The following TECTA variants were observed in gnomAD, a reference collection of about 807,000 sequenced individuals.
TECTA encodes the protein tectorin alpha.
TECTA carries 128 observed loss-of-function variants against 216.8 expected under a neutral mutation model. That is an observed-to-expected ratio of 0.59 (90% CI 0.51 to 0.68). The LOEUF is 0.68. Among genes scored for constraint, TECTA ranks in the 30% least tolerant of loss-of-function variants. The probability of loss-of-function intolerance (pLI) is 0.00; values close to 1 mark genes in which losing one functional copy is unlikely to be tolerated. For missense variants in TECTA, 2,551 were observed against 2,786.2 expected (o/e 0.92, Z 1.90); for synonymous variants, 1,089 against 1,117.1 (o/e 0.97, Z 0.50).
At chr11:121,133,443 G>A (rs1164308938) in intron 10 of TECTA, among the ~76,000 whole-genome samples, 1 of 152,092 alleles carries the variant, frequency 6.6e-6, no homozygotes, top group African/African-American at 2.4e-5. Flanking sequence ...TGTTCTTTAC[G>A]GTTCTTTTGG....
intron 10 of TECTA, among the ~76,000 whole-genome samples, chr11:121,133,528 T>C (rs1033322495): frequency 2.0e-5 from 3 of 152,210 alleles, no homozygotes; most frequent in Non-Finnish European, 4.4e-5. Context: ...GTCTCTTTAG[T>C]CTCCTTTAAT....
intron 20 of TECTA, among the ~76,000 whole-genome samples, chr11:121,174,780 T>A (rs1947148262): frequency 6.6e-6 from 1 of 152,182 alleles, no homozygotes; most frequent in Non-Finnish European, 1.5e-5. Context: ...CAGTTCCTCC[T>A]TGTACCTCTG....
At chr11:121,181,395 A>G (rs750192526) in intron 20 of TECTA, among the ~76,000 whole-genome samples, 4 of 151,614 alleles carry the variant, frequency 2.6e-5, no homozygotes, top group Non-Finnish European at 5.9e-5. Context: ...ATTATATTGA[A>G]TTCTTTCTCA....
chr11:121,177,558 G>T (rs1420542791), intron 20 of TECTA, among the ~76,000 whole-genome samples: 2 of 152,150 alleles, frequency 1.3e-5, no homozygotes, highest in Admixed American at 6.5e-5. Context: ...AGGAGTACCC[G>T]GCCGTGTGAG....
intron 4 of TECTA, 50 bp downstream of exon 4, chr11:121,109,548 C>G: frequency 6.2e-7 from 1 of 1,605,318 alleles, no homozygotes. Context: ...ACATCTAATT[C>G]TTGTCCATCT....
In TECTA at chr11:121,113,487, A is replaced by G. The variant is rs1461405594; in HGVS notation, c.625-66A>G. On this transcript the variant is annotated intron_variant, in intron 5 of 23. Transcript: ENST00000392793. The surrounding 1 kb of genome is among the most constrained non-coding windows in gnomAD (Gnocchi z 4.2). ...AGGTGCTGGATTTTAAAAATAAGGT[A>G]GTTGGGCCAGTTAACCCATGGGGAA... 6.3e-7 allele frequency: 1 copy of G among 1,596,436 alleles called. No homozygotes were observed. The highest frequency in any genetic ancestry group is 8.6e-7 in the Non-Finnish European group (1 of 1,164,522).
At chr11:121,147,556 T>TA (rs1946850472) in intron 12 of TECTA, among the ~76,000 whole-genome samples, 1 of 151,930 alleles carries the variant, frequency 6.6e-6, no homozygotes, top group Non-Finnish European at 1.5e-5. Context: ...AATATGCCTA[T>TA]AAAAAAGCTC....
chr11:121,174,554 G>C (rs1406398378), intron 20 of TECTA, among the ~76,000 whole-genome samples: 1 of 152,128 alleles, frequency 6.6e-6, no homozygotes, highest in African/African-American at 2.4e-5. Context: ...CTTGATCATG[G>C]TGGATAAGCT....
chr11:121,170,942 C>T (rs1023815953), intron 20 of TECTA, among the ~76,000 whole-genome samples: 3 of 151,670 alleles, frequency 2.0e-5, no homozygotes, highest in African/African-American at 7.3e-5. Context: ...TAATATAGTC[C>T]CATTTGTCTA....
rs538146325 is a variant in TECTA at position 121,144,752 on chromosome 11, G to A, written c.3544-803G>A. ...CCCCCTCCATGGGAGACATCGTGCTGGGTGCCTGGGGGGTAATGAGGGGAA... is the reference window on the plus strand; with the variant it reads ...CCCCCTCCATGGGAGACATCGTGCTAGGTGCCTGGGGGGTAATGAGGGGAA... On this transcript the variant is annotated intron_variant, in intron 11 of 23. Transcript: ENST00000392793. Among the ~76,000 whole-genome samples the A allele has an allele frequency of 5.9e-5, 9 of 152,284 alleles. No homozygotes were observed. In the South Asian group the frequency reaches 1.2e-3, roughly 21 times the overall value.
At chr11:121,117,184 G>A (rs1459417481) in intron 6 of TECTA, among the ~76,000 whole-genome samples, 2 of 152,220 alleles carry the variant, frequency 1.3e-5, no homozygotes, top group Non-Finnish European at 2.9e-5. Flanking sequence ...CATTTTACAA[G>A]TGCTTCTACT....
chr11:121,187,768 G>C, intron 20 of TECTA, 64 bp from the exon 21 acceptor site: 5 of 1,586,184 alleles, frequency 3.2e-6, no homozygotes, highest in South Asian at 1.1e-5. Flanking sequence ...TTGAACTGAA[G>C]GTGAGGATTA....
At chr11:121,109,151 G>GTGACTC in intron 3 of TECTA, 60 bp from the exon 4 acceptor site, 1 of 1,589,686 alleles carries the variant, frequency 6.3e-7, no homozygotes, top group South Asian at 1.1e-5. Context: ...GTCTTGGTTT[G>GTGACTC]TGACTCTGAA....
At chr11:121,174,465 T>G (rs1381231224) in intron 20 of TECTA, among the ~76,000 whole-genome samples, 1 of 152,228 alleles carries the variant, frequency 6.6e-6, no homozygotes, top group Non-Finnish European at 1.5e-5. Flanking sequence ...ATTTTTGTCT[T>G]TCGTTCTGTT....
chr11:121,168,253 C>T (rs1413316067), intron 19 of TECTA, 36 bp downstream of exon 19: 1 of 1,613,532 alleles, frequency 6.2e-7, no homozygotes, highest in Non-Finnish European at 8.5e-7. Context: ...ATTGCTTTTT[C>T]TATTCCTTGA....
At chr11:121,111,544 G>C (rs1181080689) in intron 4 of TECTA, among the ~76,000 whole-genome samples, 1 of 152,200 alleles carries the variant, frequency 6.6e-6, no homozygotes, top group Non-Finnish European at 1.5e-5. Context: ...GGTGTCACTG[G>C]TATGGCTGGT....
Position 121,157,784 on chromosome 11 carries a change from C to A in TECTA, c.4306-57C>A, listed in dbSNP as rs1402900817. ...TAAAAGACGAGGGGGACTGGGCTTT[C>A]GGGTCCCCAGCCCTGACCACAGTCT... On this transcript the variant is annotated intron_variant, in intron 13 of 23. Coordinates refer to ENST00000392793, the MANE Select transcript of TECTA (RefSeq NM_005422.4). 2.5e-6 allele frequency: 4 copies of A among 1,611,410 alleles called. No individual in the cohort carries two copies. The East Asian group carries it at 6.7e-5, about 27-fold the overall frequency.
At position 121,189,786 on chromosome 11, in the gene TECTA, T is replaced by C. The variant is rs763997063; in HGVS notation, c.6273T>C (p.Asn2091=). 5.6e-6 allele frequency: 9 copies of C among 1,613,872 alleles called. No homozygotes were observed. In the African/African-American group the frequency reaches 9.3e-5, roughly 17 times the overall value. Reference sequence around the variant, plus strand: ...TAGGGCTGGACTGGTGTGAGGACAATGGAGGGTGTGAGCAGATTTGCACGA... The same window carrying C: ...TAGGGCTGGACTGGTGTGAGGACAACGGAGGGTGTGAGCAGATTTGCACGA... ...RRKRLDWCED[N]GGCEQICTSR... The change falls in exon 23 of 24, where the codon AAT becomes AAC. Residue 2091 remains asparagine, a synonymous_variant. Transcript: ENST00000392793.
At chr11:121,101,589 T>C (rs965221724) in intron 1 of TECTA, 147 bp downstream of exon 1, 2 of 152,250 alleles carry the variant, frequency 1.3e-5, no homozygotes, top group Non-Finnish European at 2.9e-5. Context: ...CTTTGTACCC[T>C]TTCCAGCAAA....
Sources: allele counts gnomAD v4.1 joint callset (sites outside exome capture counted in the v4.1 genomes callset), GRCh38; gene constraint gnomAD v4.1.1; non-coding constraint Gnocchi (gnomAD v3.1); transcripts MANE v1.5; gene names NCBI Gene and HGNC (gene_info 2026-07-23, HGNC 2026-07-21).